The following TNFRSF19 variants were observed in gnomAD, a reference collection of about 807,000 sequenced individuals.
TNFRSF19 encodes the protein tumor necrosis factor receptor superfamily member 19.
A neutral mutation model predicts 46.4 loss-of-function variants in TNFRSF19; 27 were observed. The observed-to-expected ratio is 0.58, with a 90% CI of 0.43 to 0.80. TNFRSF19 has a LOEUF of 0.80. Among genes scored for constraint, TNFRSF19 ranks in the 30% least tolerant of loss-of-function variants. The pLI, the probability that TNFRSF19 is intolerant of heterozygous loss-of-function variation, is 0.00. For missense variants in TNFRSF19, 511 were observed against 530.8 expected, an observed-to-expected ratio of 0.96 and a Z score of 0.37; for synonymous variants, 204 against 205.0, an observed-to-expected ratio of 1.00 and a Z score of 0.04.
chr13:23,637,412 GAGGC>G (rs1219300321), intron 5 of TNFRSF19, among the ~76,000 whole-genome samples: 1 of 152,234 alleles, frequency 6.6e-6, no homozygotes, highest in Admixed American at 6.5e-5. Flanking sequence ...GATTGTAAAA[GAGGC>G]AGTAATGCCG....
intron 1 of TNFRSF19, among the ~76,000 whole-genome samples, chr13:23,574,814 A>T (rs1230752842): frequency 6.6e-6 from 1 of 152,184 alleles, no homozygotes; most frequent in African/African-American, 2.4e-5. Context: ...GTCACTAGTC[A>T]TTCAGCTTTG....
chr13:23,621,723 C>T (rs1218664607), intron 4 of TNFRSF19, among the ~76,000 whole-genome samples: 3 of 151,760 alleles, frequency 2.0e-5, no homozygotes, highest in East Asian at 1.9e-4. Context: ...GCAGGTGGAT[C>T]GCTTGAGCTC....
intron 5 of TNFRSF19, among the ~76,000 whole-genome samples, chr13:23,643,009 T>C (rs1174869987): frequency 6.6e-6 from 1 of 152,252 alleles, no homozygotes. Context: ...TTCTGCTTCA[T>C]CAGTAGGTGT....
intron 6 of TNFRSF19, among the ~76,000 whole-genome samples, chr13:23,660,075 A>G (rs1274684467): frequency 1.3e-5 from 2 of 152,196 alleles, no homozygotes; most frequent in African/African-American, 2.4e-5. Context: ...CTTAAGGGTC[A>G]TCTGTAGAAT....
intron 5 of TNFRSF19, among the ~76,000 whole-genome samples, chr13:23,649,692 C>T (rs1883527930): frequency 6.6e-6 from 1 of 151,838 alleles, no homozygotes; most frequent in South Asian, 2.1e-4. Flanking sequence ...TTTATTGATA[C>T]AGATTTCCCT....
chr13:23,625,769 G>A (rs1243983972), intron 4 of TNFRSF19, among the ~76,000 whole-genome samples: 2 of 151,994 alleles, frequency 1.3e-5, no homozygotes, highest in Admixed American at 6.6e-5. Context: ...AAAAGTGGCA[G>A]TTTATGTTCC....
At chr13:23,670,709 A>G (rs1453772862) in intron 9 of TNFRSF19, among the ~76,000 whole-genome samples, 3 of 152,248 alleles carry the variant, frequency 2.0e-5, no homozygotes, top group Admixed American at 6.5e-5. Context: ...CAAGTCCTTC[A>G]AAGCAGAGAG....
Position 23,593,395 on chromosome 13 carries a change from G to A in TNFRSF19, c.120G>A (p.Arg40=). 1.9e-6 allele frequency: 3 copies of A among 1,600,420 alleles called. No individual in the cohort carries two copies. Among genetic ancestry groups the A allele is most frequent in the Non-Finnish European group, 2.6e-6 (3 of 1,176,464 alleles). The change falls in exon 3 of 10, where the codon AGG becomes AGA. Residue 40 remains arginine (R), a synonymous_variant. Transcript: ENST00000248484. ...ESGDCRQQEF[R]DRSGNCVPCN... ...GAGACTGTAGACAGCAAGAATTCAG[G>A]GATCGGTCTGGAAACTGTGTTCCCT...
chr13:23,659,031 C>T lies in TNFRSF19; in HGVS notation c.446-19C>T. On this transcript the variant is annotated intron_variant, in intron 5 of 9. Transcript: ENST00000248484. This position sits in a 1 kb window ranked among gnomAD's most constrained non-coding sequence, Gnocchi z 4.9. Reference sequence around the variant, plus strand: ...CTGCAGTTGTTCAGAGCATGCTGACCCCATTCCTGTGGTTTCAGGTGCCAG... The same window carrying T: ...CTGCAGTTGTTCAGAGCATGCTGACTCCATTCCTGTGGTTTCAGGTGCCAG... The T allele has an allele frequency of 6.2e-7, 1 of 1,612,630 alleles. No homozygotes were observed. The highest frequency in any genetic ancestry group is 1.1e-5 in the South Asian group (1 of 91,032).
intron 3 of TNFRSF19, among the ~76,000 whole-genome samples, chr13:23,606,290 C>T (rs1429075850): frequency 6.6e-6 from 1 of 152,046 alleles, no homozygotes; most frequent in Admixed American, 6.6e-5. Flanking sequence ...AGGGAAGCAA[C>T]CAGAACATTT....
intron 5 of TNFRSF19, among the ~76,000 whole-genome samples, chr13:23,647,120 ATTTG>A (rs916475319): frequency 2.6e-5 from 4 of 152,032 alleles, no homozygotes; most frequent in Non-Finnish European, 4.4e-5. Context: ...CTACTTTTGA[ATTTG>A]TTTGTCTGTT....
intron 1 of TNFRSF19, among the ~76,000 whole-genome samples, chr13:23,588,957 G>A (rs570006945): frequency 6.6e-6 from 1 of 152,312 alleles, no homozygotes; most frequent in African/African-American, 2.4e-5. Context: ...CACTTCCGGG[G>A]CACCCGTCAG....
chr13:23,649,031 GT>G (rs1358121237), intron 5 of TNFRSF19, among the ~76,000 whole-genome samples: 1 of 152,124 alleles, frequency 6.6e-6, no homozygotes, highest in African/African-American at 2.4e-5. Flanking sequence ...TTGATCTGTA[GT>G]TTTTTTCCCT....
chr13:23,619,777 A>T (rs1319688923), intron 4 of TNFRSF19, among the ~76,000 whole-genome samples: 5 of 152,058 alleles, frequency 3.3e-5, no homozygotes, highest in Non-Finnish European at 7.4e-5. Context: ...TCTACAGGGG[A>T]TGTACAGGCT....
intron 5 of TNFRSF19, among the ~76,000 whole-genome samples, chr13:23,629,491 CCTGAGCCAGCACTCCCCTCCCCAAGGG>C (rs1382727558): frequency 6.6e-6 from 1 of 152,192 alleles, no homozygotes; most frequent in Non-Finnish European, 1.5e-5. Context: ...TGGCTGGTGA[CCTGAGCCAGCACTCCCCTCCCCAAGGG>C]CTAGGTCTTC....
At chr13:23,575,200 C>T (rs1428398901) in intron 1 of TNFRSF19, among the ~76,000 whole-genome samples, 2 of 152,226 alleles carry the variant, frequency 1.3e-5, no homozygotes, top group African/African-American at 4.8e-5. Context: ...TCTCTTCCCT[C>T]ATCGAACTCA....
intron 5 of TNFRSF19, among the ~76,000 whole-genome samples, chr13:23,632,913 C>T (rs533854763): frequency 6.6e-6 from 1 of 152,266 alleles, no homozygotes; most frequent in East Asian, 1.9e-4. Context: ...GTCAGAAACT[C>T]ACAAAAAGCA....
intron 1 of TNFRSF19, among the ~76,000 whole-genome samples, chr13:23,580,924 T>G (rs951871764): frequency 5.3e-5 from 8 of 152,222 alleles, no homozygotes; most frequent in Admixed American, 2.6e-4. Flanking sequence ...TTTACTGACT[T>G]TAGGAAACTT....
rs1479255146 is a variant in TNFRSF19 at position 23,667,903 on chromosome 13, A to G, written c.737-77A>G. 7.5e-6 allele frequency: 9 copies of G among 1,201,450 alleles called. No homozygotes were observed. In the Admixed American group the frequency reaches 2.5e-4, roughly 33 times the overall value. The allele number at this position is 1,201,450 out of a possible 1,614,324, so 74.4% of individuals were successfully genotyped here. On this transcript the variant is annotated intron_variant, in intron 7 of 9. Coordinates refer to ENST00000248484, the MANE Select transcript of TNFRSF19 (RefSeq NM_148957.4). The stretch of plus-strand genomic sequence containing the variant: ...AAAGGGAAACATCTAAATTTCCGAG[A>G]GCAGTGTTGAAGTGTTATTAAAGTG...
Sources: gnomAD v4.1 joint callset for allele counts (sites outside exome capture counted in the v4.1 genomes callset) on GRCh38, gnomAD v4.1.1 for gene constraint, Gnocchi (gnomAD v3.1) non-coding constraint, MANE v1.5 for transcripts, NCBI Gene and HGNC (gene_info 2026-07-23, HGNC 2026-07-21) for gene names.